CNTN2: variants seen among roughly 807,000 people sequenced by gnomAD.
The protein encoded by CNTN2 is contactin-2.
In CNTN2, 53 loss-of-function variants were observed where a neutral mutation model predicts 117.5. The ratio of observed to expected loss-of-function variants is 0.45; its 90% CI spans 0.36 to 0.57. CNTN2 has a LOEUF of 0.57. Ranked by LOEUF, CNTN2 falls within the 20% of genes least tolerant of loss-of-function variation. The pLI, the probability that CNTN2 is intolerant of heterozygous loss-of-function variation, is 0.00. For missense variants in CNTN2, 1,106 were observed against 1,404.3 expected, an observed-to-expected ratio of 0.79 and a Z score of 3.39; for synonymous variants, 530 against 561.7, an observed-to-expected ratio of 0.94 and a Z score of 0.80.
chr1:205,074,255 C>G lies in CNTN2; in HGVS notation c.*490C>G. The G allele has an allele frequency of 2.5e-6, 1 of 407,384 alleles. No homozygotes were observed. The allele number at this position is 407,384 out of a possible 1,614,324, so 25.2% of individuals were successfully genotyped here. A position where few individuals can be genotyped will look rare whatever the true frequency, so the allele number is the denominator to read the frequency against. The stretch of plus-strand genomic sequence containing the variant: ...AGGGCAAGCCCTGGGACCAAGAGCT[C>G]TCCCGCCTTCTCCCTCGAGCAGCAG... On this transcript the variant is annotated 3_prime_UTR_variant, in exon 23 of 23. Transcript: ENST00000331830.
chr1:205,060,984 C>G (rs1653944714), intron 7 of CNTN2: 2 of 444,594 alleles, frequency 4.5e-6, no homozygotes, highest in African/African-American at 4.0e-5. Context: ...GCAGACCCCG[C>G]AGAAGCCCGG....
At chr1:205,045,411 T>C (rs3753847) in intron 1 of CNTN2, among the ~76,000 whole-genome samples, 128,649 of 152,146 alleles carry the variant, frequency 0.85, 54,464 homozygotes, top group African/African-American at 0.88. Flanking sequence ...GAATTGTGCT[T>C]AACGGGGTGA....
Position 205,061,644 on chromosome 1 carries a change from A to G in CNTN2, c.974-221A>G. ...CAGAAAGCACACAGGAGGCTCCAGA[A>G]TGATTTAAGTTGCAAAAGCAGCCAC... On this transcript the variant is annotated intron_variant, in intron 8 of 22. Transcript: ENST00000331830. The surrounding 1 kb of genome is among the most constrained non-coding windows in gnomAD (Gnocchi z 4.8). 2.6e-6 allele frequency: 2 copies of G among 772,952 alleles called. No individual in the cohort carries two copies. The highest frequency in any genetic ancestry group is 6.4e-5 in the Admixed American group (2 of 31,408). 47.9% of individuals were successfully genotyped at this position (772,952 alleles called of 1,614,324 possible). A position where few individuals can be genotyped will look rare whatever the true frequency, so the allele number is the denominator to read the frequency against.
rs975647789 is a variant in CNTN2, at chr1:205,069,970, C to G, written c.2340C>G (p.Pro780=). The G allele has an allele frequency of 1.9e-5, 30 of 1,613,680 alleles. No homozygotes were observed. The highest frequency in any genetic ancestry group is 2.5e-5 in the Non-Finnish European group (30 of 1,180,038). ...YFVYSNESVR[P]YTPFEVKIRS... is the part of the protein sequence containing the mutation. The stretch of plus-strand genomic sequence containing the variant: ...TCTACAGCAACGAGAGCGTCCGGCC[C>G]TACACGCCCTTTGAGGTCAAGATCC... Residue 780 remains proline (P), a synonymous_variant, in exon 18 of 23, where the codon CCC becomes CCG. Transcript: ENST00000331830.
At chr1:205,071,005 A>AG (rs1204707584) in intron 19 of CNTN2, 1 of 152,564 alleles carries the variant, frequency 6.6e-6, no homozygotes, top group East Asian at 1.9e-4. Context: ...CAAAAAAAAA[A>AG]AAAAAAAGAC....
Position 205,059,728 on chromosome 1 carries a change from C to T in CNTN2, c.797+46C>T, listed in dbSNP as rs1416497745. On this transcript the variant is annotated intron_variant, in intron 7 of 22. Transcript: ENST00000331830. The surrounding 1 kb of genome is among the most constrained non-coding windows in gnomAD (Gnocchi z 5.6). ...GAAGCAGAGCACGGTCTCTCGGGGGCACAGGTGACCCCAGGGTGAGGGCAG... is the reference window on the plus strand; with the variant it reads ...GAAGCAGAGCACGGTCTCTCGGGGGTACAGGTGACCCCAGGGTGAGGGCAG... 2 of 1,536,302 alleles carry T rather than the reference C, an allele frequency of 1.3e-6. No homozygotes were observed. Among genetic ancestry groups the T allele is most frequent in the Middle Eastern group, 1.7e-4 (1 of 5,904 alleles).
At chr1:205,056,923 T>C (rs1463597044) in intron 2 of CNTN2, among the ~76,000 whole-genome samples, 1 of 152,230 alleles carries the variant, frequency 6.6e-6, no homozygotes, top group Non-Finnish European at 1.5e-5. Flanking sequence ...GAGGAATTGA[T>C]CTGTCTGTGC....
chr1:205,061,722 C>T lies in CNTN2; in HGVS notation c.974-143C>T, dbSNP rs2151192216. On this transcript the variant is annotated intron_variant, in intron 8 of 22. Transcript: ENST00000331830. The surrounding 1 kb of genome is among the most constrained non-coding windows in gnomAD (Gnocchi z 4.8). ...TTGTGCCTCCTTCTTCCGGCCCCCTCCTCTTTGTCCTCTCCATCTCAGAAT... is the reference window on the plus strand; with the variant it reads ...TTGTGCCTCCTTCTTCCGGCCCCCTTCTCTTTGTCCTCTCCATCTCAGAAT... 1 of 1,125,752 alleles carries T rather than the reference C, an allele frequency of 8.9e-7. No individual in the cohort carries two copies. The highest frequency in any genetic ancestry group is 1.2e-6 in the Non-Finnish European group (1 of 800,552). 69.7% of individuals were successfully genotyped at this position (1,125,752 alleles called of 1,614,324 possible).
chr1:205,073,887 T>C lies in CNTN2; in HGVS notation c.*122T>C. 1.4e-6 allele frequency: 1 copy of C among 715,006 alleles called. No individual in the cohort carries two copies. The highest frequency in any genetic ancestry group is 2.4e-6 in the Non-Finnish European group (1 of 413,914). 44.3% of individuals were successfully genotyped at this position (715,006 alleles called of 1,614,324 possible). On this transcript the variant is annotated 3_prime_UTR_variant, in exon 23 of 23. Transcript: ENST00000331830. The surrounding 1 kb of genome is among the most constrained non-coding windows in gnomAD (Gnocchi z 6.3). ...AGAGTGGCTGGTTTTAAATACCTAC[T>C]TTAAACAGTGCCCTTTTTGTAGGAG...
rs766320758 is a variant in CNTN2, at chr1:205,073,190, C to T, written c.2967C>T (p.Pro989=). The change falls in exon 22 of 23, where the codon CCC becomes CCT. Residue 989 remains proline, a synonymous_variant. Coordinates refer to ENST00000331830, the MANE Select transcript of CNTN2 (RefSeq NM_005076.5). The surrounding 1 kb of genome is among the most constrained non-coding windows in gnomAD (Gnocchi z 6.3). ...HALVQIRTTG[P]GGDGIPAEVH... is the part of the protein sequence containing the mutation. ...TGGTACAAATTCGGACCACAGGGCC[C>T]GGAGGGGATGGGATCCCTGCAGAAG... is the stretch of plus-strand genomic sequence containing the variant. The T allele has an allele frequency of 1.4e-5, 22 of 1,613,924 alleles. No homozygotes were observed. In the East Asian group the frequency reaches 1.8e-4, roughly 13 times the overall value.
chr1:205,061,806 TTAA>T lies in CNTN2; in HGVS notation c.974-57_974-55del. On this transcript the variant is annotated intron_variant, in intron 8 of 22. Coordinates refer to ENST00000331830, the MANE Select transcript of CNTN2 (RefSeq NM_005076.5). This position sits in a 1 kb window ranked among gnomAD's most constrained non-coding sequence, Gnocchi z 4.8. ...CTGCTGCCCTGATTTTCTGTTCCTTTTAATGAGCTGGAAGCTCCTCCTAGCTCA... is the reference window on the plus strand; with the variant it reads ...CTGCTGCCCTGATTTTCTGTTCCTTTTGAGCTGGAAGCTCCTCCTAGCTCA... 6.7e-7 allele frequency: 1 copy of T among 1,485,462 alleles called. No individual in the cohort carries two copies. The highest frequency in any genetic ancestry group is 2.4e-5 in the East Asian group (1 of 41,070). The allele number at this position is 1,485,462 out of a possible 1,614,324, so 92.0% of individuals were successfully genotyped here.
At position 205,065,647 on chromosome 1, in the gene CNTN2, C is replaced by T; in HGVS notation, c.1696-142C>T. 9.8e-7 allele frequency: 1 copy of T among 1,021,102 alleles called. No homozygotes were observed. Among genetic ancestry groups the T allele is most frequent in the Admixed American group, 2.4e-5 (1 of 41,510 alleles). The allele number at this position is 1,021,102 out of a possible 1,614,324, so 63.3% of individuals were successfully genotyped here. On this transcript the variant is annotated intron_variant, in intron 13 of 22. Coordinates refer to ENST00000331830, the MANE Select transcript of CNTN2 (RefSeq NM_005076.5). This position sits in a 1 kb window ranked among gnomAD's most constrained non-coding sequence, Gnocchi z 4.1. ...ATGAGTCGTGATTCCTCCCATTGAG[C>T]AGACAGGAAAACTGAGATCCAGTGG...
chr1:205,062,218 T>A, intron 9 of CNTN2: 1 of 816,220 alleles, frequency 1.2e-6, no homozygotes, highest in Non-Finnish European at 1.9e-6. Context: ...ACAAAAGAAG[T>A]GATGTGGTCC....
At chr1:205,047,587 G>T (rs2096443862) in intron 1 of CNTN2, among the ~76,000 whole-genome samples, 1 of 152,132 alleles carries the variant, frequency 6.6e-6, no homozygotes, top group Non-Finnish European at 1.5e-5. Flanking sequence ...CTGTGTCCTT[G>T]TGCCCTAGTC....
chr1:205,043,200 C>G (rs947598834), upstream of CNTN2: 1 of 152,612 alleles, frequency 6.6e-6, no homozygotes, highest in Non-Finnish European at 1.5e-5. Context: ...TGCAGTGGCT[C>G]CGGGCGCGCT....
At position 205,064,760 on chromosome 1, in the gene CNTN2, G is replaced by A. The variant is rs193063011; in HGVS notation, c.1519+10G>A. On this transcript the variant is annotated intron_variant, in intron 12 of 22. Transcript: ENST00000331830. ...ATCCTATCTGTGCGAGGTGAGGGCT[G>A]CCATGTGGGTAGGCCGGGGGCTCAG... 222 of 1,613,652 alleles carry A rather than the reference G, an allele frequency of 1.4e-4. No individual in the cohort carries two copies. Among genetic ancestry groups the A allele is most frequent in the Non-Finnish European group, 1.8e-4 (213 of 1,179,826 alleles).
Position 205,065,883 on chromosome 1 carries a change from C to G in CNTN2, c.1790C>G (p.Ser597Cys). The G allele has an allele frequency of 6.2e-7, 1 of 1,613,628 alleles. No homozygotes were observed. Among genetic ancestry groups the G allele is most frequent in the Non-Finnish European group, 8.5e-7 (1 of 1,179,818 alleles). ...CMAQTVVDSA[S>C]KEATVLVRGP... ...GCCCAGACGGTGGTGGACAGCGCGTCCAAGGAGGCCACAGTCCTGGTCCGA... is the reference window on the plus strand; with the variant it reads ...GCCCAGACGGTGGTGGACAGCGCGTGCAAGGAGGCCACAGTCCTGGTCCGA... Residue 597 changes from serine (S) to cysteine (C), a missense_variant, in exon 14 of 23, where the codon TCC (serine) becomes TGC (cysteine). Physicochemically the swap from Ser to Cys is moderately radical, Grantham distance 112 (BLOSUM62 -1). Coordinates refer to ENST00000331830, the MANE Select transcript of CNTN2 (RefSeq NM_005076.5). This position sits in a 1 kb window ranked among gnomAD's most constrained non-coding sequence, Gnocchi z 4.1.
rs201293184 is a variant in CNTN2 at position 205,059,570 on chromosome 1, C to G, written c.698-13C>G. The G allele has an allele frequency of 3.7e-6, 6 of 1,613,244 alleles. No individual in the cohort carries two copies. In the East Asian group the frequency reaches 6.7e-5, roughly 18 times the overall value. ...GTCATCTGCATCTGATTTGTAAAAC[C>G]CTCTCTCCCCAGATACCCGGCTCTT... On this transcript the variant is annotated splice_polypyrimidine_tract_variant and intron_variant, in intron 6 of 22. Transcript: ENST00000331830. This position sits in a 1 kb window ranked among gnomAD's most constrained non-coding sequence, Gnocchi z 5.6.
Position 205,070,283 on chromosome 1 carries a change from G to A in CNTN2, c.2432-143G>A, listed in dbSNP as rs989546698. 5.7e-6 allele frequency: 4 copies of A among 704,586 alleles called. No homozygotes were observed. The Admixed American group carries it at 1.1e-4, about 19-fold the overall frequency. 43.6% of individuals were successfully genotyped at this position (704,586 alleles called of 1,614,324 possible). ...TCTGGGAATAGAAGTGGGCCCTGGA[G>A]CATTGCTTGGGGGGCTCCCACTCGG... On this transcript the variant is annotated intron_variant, in intron 18 of 22. Coordinates refer to ENST00000331830, the MANE Select transcript of CNTN2 (RefSeq NM_005076.5).
Sources: gnomAD v4.1 joint callset for allele counts (sites outside exome capture counted in the v4.1 genomes callset) on GRCh38, gnomAD v4.1.1 for gene constraint, Gnocchi (gnomAD v3.1) non-coding constraint, MANE v1.5 for transcripts, NCBI Gene and HGNC (gene_info 2026-07-23, HGNC 2026-07-21) for gene names.